TTI1: variants seen among roughly 807,000 people sequenced by gnomAD.
The protein encoded by TTI1 is TELO2 interacting protein 1.
In TTI1, 52 loss-of-function variants were observed where a neutral mutation model predicts 85.4. That is an observed-to-expected ratio of 0.61 (90% CI 0.49 to 0.77). The LOEUF is 0.77. Ranked by LOEUF, TTI1 falls within the 30% of genes least tolerant of loss-of-function variation. The pLI is 0.00. For missense variants in TTI1, 1,173 were observed against 1,296.0 expected (o/e 0.91, Z 1.46); for synonymous variants, 512 against 503.9 (o/e 1.02, Z -0.22).
chr20:37,996,056 T>C (rs758188018), intron 7 of TTI1, among the ~76,000 whole-genome samples: 6 of 152,182 alleles, frequency 3.9e-5, no homozygotes, highest in East Asian at 1.9e-4. Context: ...CATGAAGAAG[T>C]GCCAGGCACC....
rs772839935 is a variant in TTI1, at chr20:38,020,310, G to GAAAAA, written c.-41-6458_-41-6454dup. ...TGCTATGTCACTTGGCTACTCATAT[G>GAAAAA]AAAAAAAAAAAAAATATATATATAT... On this transcript the variant is annotated intron_variant, in intron 1 of 7. Transcript: ENST00000373447. 3.9e-3 allele frequency among the ~76,000 whole-genome samples: 186 copies of GAAAAA among 48,156 alleles called. 2 individuals carry two copies. Among genetic ancestry groups the GAAAAA allele is most frequent in the African/African-American group, 0.012 (110 of 9,350 alleles). The allele number at this position is 48,156 out of a possible 152,430, so 31.6% of individuals were successfully genotyped here. A position where few individuals can be genotyped will look rare whatever the true frequency, so the allele number is the denominator to read the frequency against.
At position 37,992,389 on chromosome 20, in the gene TTI1, G is replaced by C. The variant is rs150653360; in HGVS notation, c.3086+3986C>G. Among the ~76,000 whole-genome samples the C allele has an allele frequency of 3.7e-3, 563 of 151,984 alleles. 2 individuals are homozygous for C. The highest frequency in any genetic ancestry group is 0.013 in the African/African-American group (534 of 41,432). On this transcript the variant is annotated intron_variant, in intron 7 of 7. Coordinates refer to ENST00000373447, the MANE Select transcript of TTI1 (RefSeq NM_001303457.2). ...CTTCCAAGGCTCAGGTGATCCTCCT[G>C]CCTCAGCTTCCCAAGTAGCTGGGAC...
intron 4 of TTI1, among the ~76,000 whole-genome samples, chr20:38,001,147 C>G (rs531751360): frequency 6.6e-6 from 1 of 152,328 alleles, no homozygotes; most frequent in Admixed American, 6.5e-5. Context: ...ATCATCCCCT[C>G]TACACATCCT....
rs1489091380 is a variant in TTI1 at position 38,011,567 on chromosome 20, ATCG to A, written c.2247_2249del (p.Asp750del). ...CGCTGACAAAGGAAGCAGCTCTCTT[ATCG>A]TAAAATTGGTCCAGGGTGGCCAAGA... is the stretch of plus-strand genomic sequence containing the variant. On this transcript the variant is annotated inframe_deletion, in exon 2 of 8. Transcript: ENST00000373447. 3 of 1,614,114 alleles carry A rather than the reference ATCG, an allele frequency of 1.9e-6. No individual in the cohort carries two copies. The East Asian group carries it at 6.7e-5, about 36-fold the overall frequency.
rs556131447 is a variant in TTI1 at position 38,019,731 on chromosome 20, T to C, written c.-41-5874A>G. On this transcript the variant is annotated intron_variant, in intron 1 of 7. Coordinates refer to ENST00000373447, the MANE Select transcript of TTI1 (RefSeq NM_001303457.2). Reference sequence around the variant, plus strand: ...AAACAGCGATTACATTTGTGCAGAGTTTCTCAACAGCAGCACTATTGACAT... The same window carrying C: ...AAACAGCGATTACATTTGTGCAGAGCTTCTCAACAGCAGCACTATTGACAT... Among the ~76,000 whole-genome samples, 11 of 151,848 alleles carry C rather than the reference T, an allele frequency of 7.2e-5. 1 individual carries two copies. The South Asian group carries it at 2.1e-3, about 29-fold the overall frequency.
At position 38,008,992 on chromosome 20, in the gene TTI1, A is replaced by T. The variant is rs559655373; in HGVS notation, c.2302+2523T>A. On this transcript the variant is annotated intron_variant, in intron 2 of 7. Transcript: ENST00000373447. Reference sequence around the variant, plus strand: ...CCCTCCACCTCATTTTTTTTTTTTTAAAAGCACTACAAAGCTACACAGGAG... The same window carrying T: ...CCCTCCACCTCATTTTTTTTTTTTTTAAAGCACTACAAAGCTACACAGGAG... 4.5e-3 allele frequency among the ~76,000 whole-genome samples: 675 copies of T among 149,650 alleles called. 4 individuals are homozygous for T. Among genetic ancestry groups the T allele is most frequent in the African/African-American group, 0.014 (548 of 40,302 alleles).
intron 1 of TTI1, among the ~76,000 whole-genome samples, chr20:38,021,200 G>A (rs191612336): frequency 6.6e-6 from 1 of 152,248 alleles, no homozygotes; most frequent in East Asian, 1.9e-4. Context: ...TGGGTTATAG[G>A]CTCAGAAATA....
chr20:38,014,056 A>C (rs1003684319), intron 1 of TTI1, among the ~76,000 whole-genome samples, 199 bp from the exon 2 acceptor site: 3 of 152,232 alleles, frequency 2.0e-5, no homozygotes, highest in African/African-American at 7.2e-5. Flanking sequence ...CTTCAGGATT[A>C]GGACAGGCCT....
At chr20:38,002,896 T>C in intron 3 of TTI1, 120 bp from the exon 4 acceptor site, 1 of 1,338,266 alleles carries the variant, frequency 7.5e-7, no homozygotes, top group Non-Finnish European at 1.0e-6. Context: ...ACAAATGGAC[T>C]GAGACACCTC....
intron 7 of TTI1, among the ~76,000 whole-genome samples, chr20:37,994,476 C>T (rs2073311410): frequency 7.2e-6 from 1 of 138,482 alleles, no homozygotes; most frequent in East Asian, 2.6e-4. Context: ...CCCACCCACC[C>T]ACCCCTCTCT....
intron 7 of TTI1, among the ~76,000 whole-genome samples, chr20:37,994,805 G>GA (rs2073316258): frequency 6.6e-6 from 1 of 152,088 alleles, no homozygotes; most frequent in African/African-American, 2.4e-5. Flanking sequence ...GAGGCTCCCT[G>GA]AACACCAGCT....
At position 38,012,540 on chromosome 20, in the gene TTI1, T is replaced by C. The variant is rs1347674914; in HGVS notation, c.1277A>G (p.Gln426Arg). ...NFVLNSVAHL[Q>R]RLSKALIQVL... ...TTGGATGAGTGCTTTGGAAAGCCGC[T>C]GGAGATGGGCCACAGAGTTGAGGAC... is the stretch of plus-strand genomic sequence containing the variant. Residue 426 changes from glutamine (Q) to arginine (R), a missense_variant, in exon 2 of 8, where the codon CAG (glutamine) becomes CGG (arginine). By Grantham distance (43) the Gln-to-Arg change is conservative (BLOSUM62 1). Transcript: ENST00000373447. The C allele has an allele frequency of 6.2e-7, 1 of 1,614,058 alleles. No homozygotes were observed. Among genetic ancestry groups the C allele is most frequent in the East Asian group, 2.2e-5 (1 of 44,890 alleles).
At chr20:37,990,011 C>T (rs953668345) in intron 7 of TTI1, among the ~76,000 whole-genome samples, 2 of 152,202 alleles carry the variant, frequency 1.3e-5, no homozygotes, top group African/African-American at 4.8e-5. Flanking sequence ...AGCTTTCTTT[C>T]CTTTTCTTTT....
rs773166162 is a variant in TTI1, at chr20:38,011,611, C to G, written c.2206G>C (p.Asp736His). Residue 736 changes from aspartate (D) to histidine (H), a missense_variant, in exon 2 of 8, where the codon GAT becomes CAT. Physicochemically the swap from Asp to His is moderately conservative, Grantham distance 81. Coordinates refer to ENST00000373447, the MANE Select transcript of TTI1 (RefSeq NM_001303457.2). ...GTGGCCAAGACATCTTGAACCACAT[C>G]TGCCACCAAAGGAAGCAGGTTAGCA... ...SDANLLPLVA[D>H]VVQDVLATLD... 6.2e-7 allele frequency: 1 copy of G among 1,614,228 alleles called. No individual in the cohort carries two copies. The highest frequency in any genetic ancestry group is 1.1e-5 in the South Asian group (1 of 91,082).
chr20:38,024,668 A>T (rs1210962554), intron 1 of TTI1, among the ~76,000 whole-genome samples: 1 of 152,190 alleles, frequency 6.6e-6, no homozygotes, highest in Non-Finnish European at 1.5e-5. Flanking sequence ...ACAGAAAATA[A>T]GGCGGCCTCC....
chr20:37,987,041 T>C (rs1452980229), intron 7 of TTI1: 1 of 396,406 alleles, frequency 2.5e-6, no homozygotes, highest in Non-Finnish European at 5.1e-6. Context: ...GGCTGGCAAG[T>C]GTAGCTGTGC....
intron 1 of TTI1, among the ~76,000 whole-genome samples, chr20:38,014,828 AAC>A (rs775611486): frequency 7.9e-5 from 12 of 152,236 alleles, no homozygotes; most frequent in Admixed American, 5.9e-4. Flanking sequence ...GAGAAGGATA[AAC>A]AGAGGGCTTG....
chr20:38,007,074 C>T (rs748886971), intron 2 of TTI1, among the ~76,000 whole-genome samples: 8 of 152,192 alleles, frequency 5.3e-5, no homozygotes, highest in Non-Finnish European at 1.0e-4. Context: ...TTCATCCTAT[C>T]GATATGCTGA....
chr20:38,032,049 AC>A (rs2073916347), intron 1 of TTI1, among the ~76,000 whole-genome samples: 1 of 152,174 alleles, frequency 6.6e-6, no homozygotes, highest in Non-Finnish European at 1.5e-5. Context: ...TAGGTTACTC[AC>A]CTCTTTTACA....
Sources: allele counts gnomAD v4.1 joint callset (sites outside exome capture counted in the v4.1 genomes callset), GRCh38; gene constraint gnomAD v4.1.1; transcripts MANE v1.5; gene names NCBI Gene and HGNC (gene_info 2026-07-23, HGNC 2026-07-21).